The following BCAS3 variants were observed in gnomAD, a reference collection of about 807,000 sequenced individuals.
BCAS3 encodes the protein BCAS3 microtubule associated cell migration factor, also known as BCAS4/BCAS3 fusion.
Under a neutral mutation model 116.1 loss-of-function variants are expected in BCAS3, and 53 were observed. The ratio of observed to expected loss-of-function variants is 0.46; its 90% CI spans 0.37 to 0.57. The LOEUF is 0.57. Ranked by LOEUF, BCAS3 falls within the 20% of genes least tolerant of loss-of-function variation. The pLI is 0.00. For synonymous variants in BCAS3, 391 were observed against 408.2 expected (o/e 0.96, Z 0.51); for missense variants, 917 against 1,165.4 (o/e 0.79, Z 3.10).
chr17:60,696,994 C>T (rs2035680748), intron 4 of BCAS3, among the ~76,000 whole-genome samples: 2 of 151,870 alleles, frequency 1.3e-5, no homozygotes, highest in Middle Eastern at 3.4e-3. Flanking sequence ...CAAGACCAGC[C>T]TGGGCAACAT....
In BCAS3 at chr17:61,357,261, TAAATA is replaced by T. The variant is rs869062301; in HGVS notation, c.2426-11063_2426-11059del. On this transcript the variant is annotated intron_variant, in intron 22 of 23. Coordinates refer to ENST00000407086, the MANE Select transcript of BCAS3 (RefSeq NM_017679.5). ...TATCTACAAAAAATAAATAAATAAA[TAAATA>T]AATTAATTAATTAAATAAATAAATA... Among the ~76,000 whole-genome samples the T allele has an allele frequency of 2.9e-3, 407 of 142,006 alleles. 3 individuals carry two copies. Among genetic ancestry groups the T allele is most frequent in the African/African-American group, 9.0e-3 (357 of 39,796 alleles). The allele number at this position is 142,006 out of a possible 152,430, so 93.2% of individuals were successfully genotyped here.
At chr17:61,245,417 T>C (rs537647242) in intron 22 of BCAS3, 1 of 151,936 alleles carries the variant, frequency 6.6e-6, no homozygotes, top group Non-Finnish European at 1.5e-5. Flanking sequence ...GGTCTTGTTA[T>C]GTTGCCAAGG....
Position 61,214,931 on chromosome 17 carries a change from G to A in BCAS3, c.2425+130367G>A, listed in dbSNP as rs569078402. 1.4e-3 allele frequency among the ~76,000 whole-genome samples: 215 copies of A among 152,200 alleles called. No individual in the cohort carries two copies. Among genetic ancestry groups the A allele is most frequent in the Non-Finnish European group, 2.5e-3 (173 of 68,028 alleles). On this transcript the variant is annotated intron_variant, in intron 22 of 23. Transcript: ENST00000407086. This position sits in a 1 kb window ranked among gnomAD's most constrained non-coding sequence, Gnocchi z 4.4. ...ACTGCAGAAAATTTACCACTTGCAT[G>A]TACTTACTGCATTGGTTTACCCTCA...
rs2144687155 is a variant in BCAS3 at position 61,286,757 on chromosome 17, T to TA, written c.2426-81569dup. ...TGGTCTCTAAACTCTGCCACGGGCT[T>TA]ACCAGAGTGAGAAGTTAGCATATTG... On this transcript the variant is annotated intron_variant, in intron 22 of 23. Coordinates refer to ENST00000407086, the MANE Select transcript of BCAS3 (RefSeq NM_017679.5). The surrounding 1 kb of genome is among the most constrained non-coding windows in gnomAD (Gnocchi z 4.8). Among the ~76,000 whole-genome samples, 1 of 152,306 alleles carries TA rather than the reference T, an allele frequency of 6.6e-6. No homozygotes were observed. The highest frequency in any genetic ancestry group is 1.9e-4 in the East Asian group (1 of 5,184).
intron 22 of BCAS3, among the ~76,000 whole-genome samples, chr17:61,234,865 G>A (rs1484427485): frequency 6.8e-6 from 1 of 146,858 alleles, no homozygotes; most frequent in Non-Finnish European, 1.5e-5. Context: ...ACTAGGCTTT[G>A]TCCTAAGCAC....
intron 19 of BCAS3, among the ~76,000 whole-genome samples, chr17:61,042,233 G>A (rs902618341): frequency 1.3e-5 from 2 of 152,054 alleles, no homozygotes; most frequent in African/African-American, 2.4e-5. Flanking sequence ...CTCTCAAGGA[G>A]CAAAACTAAT....
At chr17:61,330,858 AGCCAATGGT>A in intron 22 of BCAS3, among the ~76,000 whole-genome samples, 1 of 152,236 alleles carries the variant, frequency 6.6e-6, no homozygotes. Flanking sequence ...TTGCAGAATC[AGCCAATGGT>A]GGTGAATGGT....
At position 61,376,649 on chromosome 17, in the gene BCAS3, A is replaced by G. The variant is rs8068680; in HGVS notation, c.2593+8155A>G. Among the ~76,000 whole-genome samples the G allele has an allele frequency of 0.029, 4,364 of 152,270 alleles. 212 individuals carry two copies. Among genetic ancestry groups the G allele is most frequent in the African/African-American group, 0.1 (4,133 of 41,530 alleles). On this transcript the variant is annotated intron_variant, in intron 23 of 23. Coordinates refer to ENST00000407086, the MANE Select transcript of BCAS3 (RefSeq NM_017679.5). The surrounding 1 kb of genome is among the most constrained non-coding windows in gnomAD (Gnocchi z 4.5). ...ATGCACAAGGGTGATTCATCTGTGCAAGCCATAGCTTCTGGCTTGGTCTGG... is the reference window on the plus strand; with the variant it reads ...ATGCACAAGGGTGATTCATCTGTGCGAGCCATAGCTTCTGGCTTGGTCTGG...
intron 13 of BCAS3, among the ~76,000 whole-genome samples, chr17:60,944,471 A>G (rs1277377733): frequency 1.3e-5 from 2 of 152,112 alleles, no homozygotes; most frequent in Non-Finnish European, 2.9e-5. Context: ...GCAATCCTAC[A>G]TCTTTTTTTT....
At chr17:61,331,674 A>G (rs1251058004) in intron 22 of BCAS3, among the ~76,000 whole-genome samples, 1 of 152,224 alleles carries the variant, frequency 6.6e-6, no homozygotes, top group Non-Finnish European at 1.5e-5. Context: ...AAGGAAAAAA[A>G]GAAAAAGGTT....
At chr17:60,792,242 C>T (rs895289813) in intron 6 of BCAS3, among the ~76,000 whole-genome samples, 12 of 152,316 alleles carry the variant, frequency 7.9e-5, no homozygotes, top group African/African-American at 1.7e-4. Flanking sequence ...TCCACGGAGC[C>T]GGTGGAAGCC....
chr17:60,716,802 T>A (rs941622858), intron 5 of BCAS3, among the ~76,000 whole-genome samples: 4 of 152,272 alleles, frequency 2.6e-5, no homozygotes, highest in African/African-American at 9.6e-5. Context: ...TCCTAATAGA[T>A]TTTCCAAATT....
In BCAS3 at chr17:61,381,440, G is replaced by A. The variant is rs144968098; in HGVS notation, c.2594-10537G>A. 3.6e-3 allele frequency among the ~76,000 whole-genome samples: 549 copies of A among 152,210 alleles called. No homozygotes were observed. Among genetic ancestry groups the A allele is most frequent in the Non-Finnish European group, 5.9e-3 (404 of 68,014 alleles). On this transcript the variant is annotated intron_variant, in intron 23 of 23. Coordinates refer to ENST00000407086, the MANE Select transcript of BCAS3 (RefSeq NM_017679.5). The surrounding 1 kb of genome is among the most constrained non-coding windows in gnomAD (Gnocchi z 6.0). The stretch of plus-strand genomic sequence containing the variant: ...ACTGTGATCCTTTCCCAGCCGCGGC[G>A]TGTGGGCTTGAGACACAGGCTGGGA...
chr17:60,861,057 A>G (rs748521108), intron 7 of BCAS3, among the ~76,000 whole-genome samples: 1 of 152,158 alleles, frequency 6.6e-6, no homozygotes, highest in Non-Finnish European at 1.5e-5. Flanking sequence ...TAGGAAGAGC[A>G]TTGAAACTGT....
In BCAS3 at chr17:61,203,644, G is replaced by A. The variant is rs2080965677; in HGVS notation, c.2425+119080G>A. On this transcript the variant is annotated intron_variant, in intron 22 of 23. Coordinates refer to ENST00000407086, the MANE Select transcript of BCAS3 (RefSeq NM_017679.5). The surrounding 1 kb of genome is among the most constrained non-coding windows in gnomAD (Gnocchi z 5.7). ...AAACACTTGATATTTTTAAATTCGTGGAAACTTTGAGCTACATATTTTGCC... is the reference window on the plus strand; with the variant it reads ...AAACACTTGATATTTTTAAATTCGTAGAAACTTTGAGCTACATATTTTGCC... 6.6e-6 allele frequency among the ~76,000 whole-genome samples: 1 copy of A among 152,152 alleles called. No homozygotes were observed. The highest frequency in any genetic ancestry group is 1.5e-5 in the Non-Finnish European group (1 of 68,028).
At chr17:61,331,547 C>T (rs947598153) in intron 22 of BCAS3, among the ~76,000 whole-genome samples, 3 of 152,102 alleles carry the variant, frequency 2.0e-5, no homozygotes, top group Admixed American at 6.5e-5. Context: ...AATCTCAGCA[C>T]TTTGGGAGGC....
rs750559493 is a variant in BCAS3, at chr17:61,015,868, C to T, written c.1604C>T (p.Pro535Leu). Residue 535 changes from proline to leucine, a missense_variant, in exon 16 of 24, where the codon CCA becomes CTA. Physicochemically the swap from Pro to Leu is moderately conservative, Grantham distance 98. Transcript: ENST00000407086. ...ATGCCTCTTGCACAAATCAAGCAGC[C>T]AATGACATTGGGGACCATCACCAAA... ...VVMPLAQIKQ[P>L]MTLGTITKRT... 1 of 1,614,076 alleles carries T rather than the reference C, an allele frequency of 6.2e-7. No homozygotes were observed.
intron 14 of BCAS3, among the ~76,000 whole-genome samples, chr17:60,959,993 A>G (rs1190754946): frequency 1.3e-5 from 2 of 152,184 alleles, no homozygotes; most frequent in East Asian, 1.9e-4. Flanking sequence ...GATACATGTG[A>G]TTGTTTTAAG....
rs981741988 is a variant in BCAS3 at position 61,037,292 on chromosome 17, T to C, written c.1763-597T>C. Among the ~76,000 whole-genome samples the C allele has an allele frequency of 2.0e-5, 3 of 152,202 alleles. No homozygotes were observed. Among genetic ancestry groups the C allele is most frequent in the Admixed American group, 2.0e-4 (3 of 15,278 alleles). Reference sequence around the variant, plus strand: ...TTCATTTTTCATAATGTGGGACAAATTACATTGTAGACAAGTACAAAAGTC... The same window carrying C: ...TTCATTTTTCATAATGTGGGACAAACTACATTGTAGACAAGTACAAAAGTC... On this transcript the variant is annotated intron_variant, in intron 17 of 23. Transcript: ENST00000407086. This position sits in a 1 kb window ranked among gnomAD's most constrained non-coding sequence, Gnocchi z 4.7.
Sources: allele counts gnomAD v4.1 joint callset (sites outside exome capture counted in the v4.1 genomes callset), GRCh38; gene constraint gnomAD v4.1.1; non-coding constraint Gnocchi (gnomAD v3.1); transcripts MANE v1.5; gene names NCBI Gene and HGNC (gene_info 2026-07-23, HGNC 2026-07-21).